Variants in FSTL5 observed in about 807,000 individuals in gnomAD.
The protein encoded by FSTL5 is follistatin like 5.
Under a neutral mutation model 89.1 loss-of-function variants are expected in FSTL5, and 62 were observed. That is an observed-to-expected ratio of 0.70 (90% CI 0.57 to 0.86). FSTL5 has a LOEUF of 0.86. Ranked by LOEUF, FSTL5 falls within the 40% of genes least tolerant of loss-of-function variation. The pLI is 0.00. For missense variants in FSTL5, 1,057 were observed against 1,001.6 expected (o/e 1.06, Z -0.75); for synonymous variants, 383 against 346.2 (o/e 1.11, Z -1.18).
intron 4 of FSTL5, among the ~76,000 whole-genome samples, chr4:161,858,671 A>AT (rs1327458102): frequency 2.0e-5 from 3 of 152,144 alleles, no homozygotes; most frequent in Non-Finnish European, 4.4e-5. Flanking sequence ...CTCCATTCTC[A>AT]TTATATTAGC....
chr4:161,437,204 G>C (rs543638791), intron 15 of FSTL5, among the ~76,000 whole-genome samples: 1 of 152,126 alleles, frequency 6.6e-6, no homozygotes, highest in African/African-American at 2.4e-5. Flanking sequence ...CAGTTTGGTG[G>C]AAGGAGAGAT....
chr4:161,730,688 TAC>T (rs1241613992), intron 6 of FSTL5, among the ~76,000 whole-genome samples: 1 of 152,168 alleles, frequency 6.6e-6, no homozygotes, highest in African/African-American at 2.4e-5. Flanking sequence ...TCTGAAATGA[TAC>T]AGTGTCCATT....
intron 5 of FSTL5, among the ~76,000 whole-genome samples, chr4:161,769,062 A>ATAAATATG (rs1157197109): frequency 2.0e-5 from 3 of 151,998 alleles, no homozygotes; most frequent in Non-Finnish European, 4.4e-5. Flanking sequence ...CCTATGAGCA[A>ATAAATATG]CTATATGCCA....
chr4:161,546,411 TG>T (rs1179799256), intron 8 of FSTL5, among the ~76,000 whole-genome samples: 8 of 151,146 alleles, frequency 5.3e-5, no homozygotes, highest in Non-Finnish European at 1.0e-4. Flanking sequence ...AGCCTAAAGA[TG>T]ATGAACTTTC....
At position 161,968,792 on chromosome 4, in the gene FSTL5, T is replaced by C. The variant is rs184318740; in HGVS notation, c.161-48140A>G. ...TTATTCAAAGTTAATATTTGGTTTA[T>C]ATTGAGCCAAATATGGTCACTTTAG... On this transcript the variant is annotated intron_variant, in intron 3 of 15. Coordinates refer to ENST00000306100, the MANE Select transcript of FSTL5 (RefSeq NM_020116.5). 2.0e-5 allele frequency among the ~76,000 whole-genome samples: 3 copies of C among 152,218 alleles called. No individual in the cohort carries two copies. The East Asian group carries it at 5.8e-4, about 29-fold the overall frequency.
intron 8 of FSTL5, among the ~76,000 whole-genome samples, chr4:161,543,745 C>T (rs1402875530): frequency 1.5e-5 from 2 of 136,408 alleles, no homozygotes; most frequent in Non-Finnish European, 3.4e-5. Flanking sequence ...ATACCATAAG[C>T]AAAATTGAAT....
chr4:162,114,957 A>T lies in FSTL5; in HGVS notation c.-16-3545T>A, dbSNP rs1281513535. On this transcript the variant is annotated intron_variant, in intron 1 of 15. Coordinates refer to ENST00000306100, the MANE Select transcript of FSTL5 (RefSeq NM_020116.5). ...TAAATATACATATATGCTTTACCTCAGCAAAATTTATGATATGACTGGATT... is the reference window on the plus strand; with the variant it reads ...TAAATATACATATATGCTTTACCTCTGCAAAATTTATGATATGACTGGATT... Among the ~76,000 whole-genome samples, 4 of 152,186 alleles carry T rather than the reference A, an allele frequency of 2.6e-5. No homozygotes were observed. In the East Asian group the frequency reaches 7.7e-4, roughly 29 times the overall value.
At chr4:161,787,688 A>T (rs1432039126) in intron 4 of FSTL5, among the ~76,000 whole-genome samples, 1 of 152,176 alleles carries the variant, frequency 6.6e-6, no homozygotes, top group Non-Finnish European at 1.5e-5. Flanking sequence ...GATTTTTACC[A>T]TATGCAAGGA....
At chr4:162,126,168 T>C (rs1732073137) in intron 1 of FSTL5, among the ~76,000 whole-genome samples, 1 of 152,252 alleles carries the variant, frequency 6.6e-6, no homozygotes, top group African/African-American at 2.4e-5. Context: ...CATTTTTCCT[T>C]GTATTCCATA....
At chr4:162,083,024 G>C (rs555682504) in intron 2 of FSTL5, among the ~76,000 whole-genome samples, 1 of 151,554 alleles carries the variant, frequency 6.6e-6, no homozygotes, top group Non-Finnish European at 1.5e-5. Flanking sequence ...CTAAATGAAT[G>C]ATATCAGTAA....
At chr4:161,881,415 G>T (rs1732626481) in intron 4 of FSTL5, among the ~76,000 whole-genome samples, 1 of 151,608 alleles carries the variant, frequency 6.6e-6, no homozygotes, top group Non-Finnish European at 1.5e-5. Context: ...TAAGAACATG[G>T]CAAACTAATT....
At chr4:161,998,727 T>C (rs1306971552) in intron 3 of FSTL5, among the ~76,000 whole-genome samples, 2 of 152,160 alleles carry the variant, frequency 1.3e-5, no homozygotes, top group African/African-American at 4.8e-5. Flanking sequence ...AATTAAGATA[T>C]TCACCATGCA....
chr4:162,115,526 C>T (rs1397187982), intron 1 of FSTL5, among the ~76,000 whole-genome samples: 2 of 152,150 alleles, frequency 1.3e-5, no homozygotes, highest in South Asian at 4.1e-4. Context: ...ACTGACAACA[C>T]TGAAAAGCAC....
At chr4:161,582,454 G>A (rs1333213539) in intron 8 of FSTL5, among the ~76,000 whole-genome samples, 1 of 152,024 alleles carries the variant, frequency 6.6e-6, no homozygotes, top group African/African-American at 2.4e-5. Flanking sequence ...CCCAACTACT[G>A]TTTGTTGTTG....
chr4:161,404,401 A>G (rs1731286433), intron 15 of FSTL5, among the ~76,000 whole-genome samples: 1 of 152,186 alleles, frequency 6.6e-6, no homozygotes, highest in African/African-American at 2.4e-5. Flanking sequence ...CACATGTTCA[A>G]TGAGACCTAG....
rs116041407 is a variant in FSTL5 at position 161,779,400 on chromosome 4, G to T, written c.410-3326C>A. On this transcript the variant is annotated intron_variant, in intron 4 of 15. Transcript: ENST00000306100. ...TCATAGACTTTTTAGTTATAAATAT[G>T]TGTATGTTATTAATAATAGATAACA... is the stretch of plus-strand genomic sequence containing the variant. 7.9e-3 allele frequency among the ~76,000 whole-genome samples: 1,206 copies of T among 152,128 alleles called. 15 individuals are homozygous for T. Among genetic ancestry groups the T allele is most frequent in the African/African-American group, 0.026 (1,090 of 41,510 alleles).
chr4:161,804,821 T>C (rs17041574), intron 4 of FSTL5, among the ~76,000 whole-genome samples: 21,061 of 151,918 alleles, frequency 0.14, 2,764 homozygotes, highest in African/African-American at 0.34. Flanking sequence ...TAAATTGCAA[T>C]TGTTGTGGAT....
At chr4:161,622,546 T>C (rs11938429) in intron 7 of FSTL5, among the ~76,000 whole-genome samples, 1,667 of 151,844 alleles carry the variant, frequency 0.011, 27 homozygotes, top group African/African-American at 0.037. Context: ...TATTTATTTA[T>C]TTACATATGT....
At chr4:161,851,447 C>T (rs771589469) in intron 4 of FSTL5, among the ~76,000 whole-genome samples, 7 of 152,056 alleles carry the variant, frequency 4.6e-5, no homozygotes, top group Non-Finnish European at 8.8e-5. Flanking sequence ...CATAATCATA[C>T]AACTGATTTT....
Sources: allele counts gnomAD v4.1 joint callset (sites outside exome capture counted in the v4.1 genomes callset), GRCh38; gene constraint gnomAD v4.1.1; transcripts MANE v1.5; gene names NCBI Gene and HGNC (gene_info 2026-07-23, HGNC 2026-07-21).